The following WDR64 variants were observed in gnomAD, a reference collection of about 807,000 sequenced individuals.
WDR64 encodes the protein WD repeat-containing protein 64.
Under a neutral mutation model 139.3 loss-of-function variants are expected in WDR64, and 112 were observed. The observed-to-expected ratio is 0.80, with a 90% CI of 0.69 to 0.94. WDR64 has a LOEUF of 0.94. Ranked by LOEUF, WDR64 falls within the 40% of genes least tolerant of loss-of-function variation. WDR64 has a pLI of 0.00. For synonymous variants in WDR64, 444 were observed against 437.7 expected (o/e 1.01, Z -0.18); for missense variants, 1,206 against 1,293.1 (o/e 0.93, Z 1.03).
chr1:241,658,475 G>A (rs2148052706), intron 1 of WDR64, among the ~76,000 whole-genome samples: 1 of 151,686 alleles, frequency 6.6e-6, no homozygotes, highest in African/African-American at 2.4e-5. Context: ...CCCTGTCTCT[G>A]CAAAAAATAA....
chr1:241,795,435 A>G, intron 26 of WDR64, 148 bp downstream of exon 26: 1 of 657,820 alleles, frequency 1.5e-6, no homozygotes, highest in Non-Finnish European at 2.6e-6. Flanking sequence ...GTGCAGTCCC[A>G]GAAAAGTCTT....
intron 25 of WDR64, among the ~76,000 whole-genome samples, chr1:241,792,065 G>A (rs181029746): frequency 3.7e-4 from 57 of 152,246 alleles, no homozygotes; most frequent in African/African-American, 1.3e-3. Context: ...CTTTCTAAAT[G>A]TATCTCCCAT....
chr1:241,769,641 G>C (rs1658342832), intron 17 of WDR64, 136 bp downstream of exon 17: 1 of 760,258 alleles, frequency 1.3e-6, no homozygotes, highest in African/African-American at 1.8e-5. Flanking sequence ...CATTAAAGAA[G>C]GGACCACTGA....
chr1:241,763,552 A>G (rs1228583495), intron 15 of WDR64, among the ~76,000 whole-genome samples: 2 of 152,150 alleles, frequency 1.3e-5, no homozygotes, highest in Admixed American at 1.3e-4. Context: ...TAAAAATACA[A>G]AAGTTAGCCA....
rs758680376 is a variant in WDR64 at position 241,796,371 on chromosome 1, G to C, written c.3192+1G>C. ...GGGAGGTCATGTTCAACGTGAAAAA[G>C]TAAGTTAGTACTAATTCCACCGTTA... On this transcript the variant is annotated splice_donor_variant, in intron 27 of 27. Coordinates refer to ENST00000437684, the MANE Select transcript of WDR64 (RefSeq NM_001367482.1). LOFTEE classifies it high-confidence loss of function. 6.2e-7 allele frequency: 1 copy of C among 1,600,488 alleles called. No homozygotes were observed. Among genetic ancestry groups the C allele is most frequent in the East Asian group, 2.2e-5 (1 of 44,658 alleles).
At chr1:241,659,935 G>A (rs1665757880) in intron 1 of WDR64, among the ~76,000 whole-genome samples, 2 of 152,054 alleles carry the variant, frequency 1.3e-5, no homozygotes, top group Admixed American at 1.3e-4. Context: ...GTCAATTTTT[G>A]CTTTTGTTGC....
Position 241,748,517 on chromosome 1 carries a change from T to C in WDR64, c.1595-1030T>C, listed in dbSNP as rs568145531. Reference sequence around the variant, plus strand: ...TTTTTTGTCTGAGCCACAGCAGATCTCAATTTGGGGCCTTTTTTATAAAGG... The same window carrying C: ...TTTTTTGTCTGAGCCACAGCAGATCCCAATTTGGGGCCTTTTTTATAAAGG... On this transcript the variant is annotated intron_variant, in intron 13 of 27. Coordinates refer to ENST00000437684, the MANE Select transcript of WDR64 (RefSeq NM_001367482.1). Among the ~76,000 whole-genome samples the C allele has an allele frequency of 7.3e-4, 111 of 152,262 alleles. 1 individual carries two copies. Among genetic ancestry groups the C allele is most frequent in the African/African-American group, 2.5e-3 (105 of 41,566 alleles).
intron 14 of WDR64, among the ~76,000 whole-genome samples, chr1:241,754,736 A>G (rs1407233011): frequency 1.3e-5 from 2 of 148,946 alleles, no homozygotes; most frequent in African/African-American, 5.0e-5. Context: ...CCACCCCCTG[A>G]CAGGCCCCAG....
Position 241,733,491 on chromosome 1 carries a change from A to AAAGAAAAGAGAAGAG in WDR64, c.1195-4868_1195-4867insAAAGAGAAGAGAAGA, listed in dbSNP as rs140945100. Among the ~76,000 whole-genome samples the AAAGAAAAGAGAAGAG allele has an allele frequency of 2.2e-3, 327 of 151,576 alleles. 1 individual carries two copies. The highest frequency in any genetic ancestry group is 0.012 in the South Asian group (60 of 4,806). On this transcript the variant is annotated intron_variant, in intron 10 of 27. Transcript: ENST00000437684. ...ACTCTGTCTCAAAAAAAAGAAAAGA[A>AAAGAAAAGAGAAGAG]AAGAGAAGAGAAGAGAATCATCATT...
chr1:241,755,085 A>C (rs61825854), intron 14 of WDR64, among the ~76,000 whole-genome samples: 22,908 of 152,166 alleles, frequency 0.15, 1,920 homozygotes, highest in African/African-American at 0.19. Flanking sequence ...GGTATATACC[A>C]AGTAATAGGA....
chr1:241,790,555 ATGGG>A (rs752319963), intron 24 of WDR64, 32 bp from the exon 25 acceptor site: 2 of 1,501,034 alleles, frequency 1.3e-6, no homozygotes, highest in Non-Finnish European at 9.1e-7. Flanking sequence ...AATAAAAGGT[ATGGG>A]TATGTACTTA....
In WDR64 at chr1:241,784,976, A is replaced by AAAG. The variant is rs138513526; in HGVS notation, c.2705+1595_2705+1596insAAG. 9.9e-4 allele frequency among the ~76,000 whole-genome samples: 97 copies of AAAG among 98,436 alleles called. 6 individuals are homozygous for AAAG. Among genetic ancestry groups the AAAG allele is most frequent in the Middle Eastern group, 7.6e-3 (1 of 132 alleles). The allele number at this position is 98,436 out of a possible 152,430, so 64.6% of individuals were successfully genotyped here. A position where few individuals can be genotyped will look rare whatever the true frequency, so the allele number is the denominator to read the frequency against. On this transcript the variant is annotated intron_variant, in intron 23 of 27. Transcript: ENST00000437684. The stretch of plus-strand genomic sequence containing the variant: ...CTGAAAAAAAAAAAAAAAAAAAAAA[A>AAAG]GAAAGGACATCTGCTGTTTTATTTG...
At chr1:241,766,855 G>C (rs889749184) in intron 16 of WDR64, among the ~76,000 whole-genome samples, 4 of 152,180 alleles carry the variant, frequency 2.6e-5, no homozygotes, top group Admixed American at 2.0e-4. Flanking sequence ...TGAACTGTAA[G>C]CATCTATATT....
chr1:241,705,797 C>T (rs995720896), intron 8 of WDR64, among the ~76,000 whole-genome samples: 4 of 151,860 alleles, frequency 2.6e-5, no homozygotes, highest in Non-Finnish European at 5.9e-5. Flanking sequence ...TTATGTTGCC[C>T]AGACTGGTCT....
chr1:241,687,622 A>G (rs1323284363), intron 8 of WDR64, 27 bp downstream of exon 8: 1 of 1,582,570 alleles, frequency 6.3e-7, no homozygotes, highest in East Asian at 2.3e-5. Context: ...ATATACATGA[A>G]CAGTCTGTGA....
intron 20 of WDR64, 36 bp from the exon 21 acceptor site, chr1:241,775,068 CA>C: frequency 6.7e-7 from 1 of 1,486,058 alleles, no homozygotes; most frequent in Middle Eastern, 1.7e-4. Context: ...GACTTACTAG[CA>C]AAGAAAAAGT....
chr1:241,764,977 G>A (rs1658090688), intron 15 of WDR64, among the ~76,000 whole-genome samples: 1 of 152,120 alleles, frequency 6.6e-6, no homozygotes, highest in Non-Finnish European at 1.5e-5. Flanking sequence ...CTTGAGCTCA[G>A]GAATTTGAGA....
intron 15 of WDR64, 111 bp downstream of exon 15, chr1:241,757,570 C>T (rs777088766): frequency 4.7e-5 from 47 of 1,005,494 alleles, no homozygotes; most frequent in Non-Finnish European, 6.3e-5. Flanking sequence ...TGTTATCACT[C>T]AGCTTCGAGA....
intron 11 of WDR64, among the ~76,000 whole-genome samples, chr1:241,738,850 G>T (rs930065880): frequency 2.9e-4 from 44 of 152,210 alleles, no homozygotes; most frequent in African/African-American, 1.0e-3. Flanking sequence ...GACCTAGGAA[G>T]AAATGCCTGG....
Sources: allele counts gnomAD v4.1 joint callset (sites outside exome capture counted in the v4.1 genomes callset), GRCh38; gene constraint gnomAD v4.1.1; transcripts MANE v1.5; gene names NCBI Gene and HGNC (gene_info 2026-07-23, HGNC 2026-07-21).